Variants in GALNTL6 observed in about 807,000 individuals in gnomAD.
The protein encoded by GALNTL6 is polypeptide N-acetylgalactosaminyltransferase like 6.
GALNTL6 carries 46 observed loss-of-function variants against 73.7 expected under a neutral mutation model. The ratio of observed to expected loss-of-function variants is 0.62; its 90% CI spans 0.49 to 0.80. GALNTL6 has a LOEUF of 0.80. Ranked by LOEUF, GALNTL6 falls within the 30% of genes least tolerant of loss-of-function variation. The pLI is 0.00. For missense variants in GALNTL6, 604 were observed against 755.0 expected, an observed-to-expected ratio of 0.80 and a Z score of 2.34; for synonymous variants, 259 against 263.7, an observed-to-expected ratio of 0.98 and a Z score of 0.17.
At chr4:172,614,772 C>T (rs998835806) in intron 5 of GALNTL6, among the ~76,000 whole-genome samples, 5 of 152,100 alleles carry the variant, frequency 3.3e-5, no homozygotes, top group East Asian at 1.9e-4. Flanking sequence ...CTTACAGCAT[C>T]GTAAGCCTAA....
intron 2 of GALNTL6, among the ~76,000 whole-genome samples, chr4:172,051,815 C>T (rs187694008): frequency 2.4e-4 from 36 of 152,164 alleles, no homozygotes; most frequent in Non-Finnish European, 2.5e-4. Context: ...AGGGAACCAC[C>T]CTCTTGTACT....
chr4:172,058,176 G>A (rs1416574710), intron 2 of GALNTL6, among the ~76,000 whole-genome samples: 1 of 136,716 alleles, frequency 7.3e-6, no homozygotes, highest in Non-Finnish European at 1.6e-5. Flanking sequence ...GCCCAAGCTG[G>A]TCTCAAACTC....
chr4:171,960,569 C>T (rs956979646), intron 2 of GALNTL6, among the ~76,000 whole-genome samples: 11 of 151,946 alleles, frequency 7.2e-5, no homozygotes, highest in South Asian at 2.1e-4. Context: ...TGTGAGCCAC[C>T]ACGCCCTGCC....
chr4:171,982,384 G>A (rs1560870062), intron 2 of GALNTL6, among the ~76,000 whole-genome samples: 1 of 152,002 alleles, frequency 6.6e-6, no homozygotes, highest in Non-Finnish European at 1.5e-5. Flanking sequence ...TGCAAGCTCT[G>A]CCTCCTGGGT....
At chr4:172,066,346 A>G (rs1381014958) in intron 2 of GALNTL6, among the ~76,000 whole-genome samples, 2 of 152,128 alleles carry the variant, frequency 1.3e-5, no homozygotes, top group Non-Finnish European at 2.9e-5. Context: ...CAAATCACAT[A>G]GTATGTAACT....
At chr4:172,582,544 A>G (rs939518334) in intron 5 of GALNTL6, among the ~76,000 whole-genome samples, 1 of 152,096 alleles carries the variant, frequency 6.6e-6, no homozygotes, top group African/African-American at 2.4e-5. Flanking sequence ...GACTGTAATT[A>G]CTCCATGACC....
Position 171,814,786 on chromosome 4 carries a change from G to T in GALNTL6, c.138+68G>T. 2.0e-6 allele frequency: 3 copies of T among 1,527,992 alleles called. No individual in the cohort carries two copies. In the East Asian group the frequency reaches 6.7e-5, roughly 34 times the overall value. 94.7% of individuals were successfully genotyped at this position (1,527,992 alleles called of 1,614,324 possible). A position where few individuals can be genotyped will look rare whatever the true frequency, so the allele number is the denominator to read the frequency against. ...CAGTGATCCTCGCGCGGGGACTCGA[G>T]AAAGCCGGTGTGGGATCGCCTTGGG... is the stretch of plus-strand genomic sequence containing the variant. On this transcript the variant is annotated intron_variant, in intron 2 of 12. Coordinates refer to ENST00000506823, the MANE Select transcript of GALNTL6 (RefSeq NM_001034845.3).
At chr4:172,430,312 A>T (rs370178575) in intron 5 of GALNTL6, among the ~76,000 whole-genome samples, 18 of 152,014 alleles carry the variant, frequency 1.2e-4, no homozygotes, top group African/African-American at 3.4e-4. Context: ...ACAGAAAGAG[A>T]GAGAGAGAAT....
At chr4:171,946,206 A>T (rs531241303) in intron 2 of GALNTL6, among the ~76,000 whole-genome samples, 70 of 152,186 alleles carry the variant, frequency 4.6e-4, no homozygotes, top group Non-Finnish European at 8.8e-4. Context: ...AATACCTTTC[A>T]TTCCTGAAAA....
intron 2 of GALNTL6, among the ~76,000 whole-genome samples, chr4:172,025,000 G>A (rs970372536): frequency 6.6e-6 from 1 of 151,850 alleles, no homozygotes; most frequent in Non-Finnish European, 1.5e-5. Context: ...TCCAATAAAT[G>A]TGATTCATAA....
intron 5 of GALNTL6, among the ~76,000 whole-genome samples, chr4:172,727,621 TATTA>T (rs1269903987): frequency 3.9e-5 from 6 of 152,198 alleles, no homozygotes; most frequent in Non-Finnish European, 5.9e-5. Flanking sequence ...TGTCACATGC[TATTA>T]ATTTTTTCAT....
At chr4:172,454,407 G>A (rs1732318710) in intron 5 of GALNTL6, among the ~76,000 whole-genome samples, 1 of 152,210 alleles carries the variant, frequency 6.6e-6, no homozygotes. Flanking sequence ...TTATGTCTCT[G>A]TTTCTCAAGT....
At chr4:172,991,379 TA>T (rs1751530661) in intron 10 of GALNTL6, among the ~76,000 whole-genome samples, 1 of 152,106 alleles carries the variant, frequency 6.6e-6, no homozygotes, top group African/African-American at 2.4e-5. Flanking sequence ...TGATTTATGT[TA>T]AACCCAGTTT....
chr4:172,449,191 G>A (rs1450457492), intron 5 of GALNTL6, among the ~76,000 whole-genome samples: 1 of 151,990 alleles, frequency 6.6e-6, no homozygotes. Context: ...TTGTATTGTG[G>A]AAGAAGTTCC....
intron 5 of GALNTL6, among the ~76,000 whole-genome samples, chr4:172,492,129 GA>G: frequency 6.6e-6 from 1 of 152,060 alleles, no homozygotes; most frequent in Non-Finnish European, 1.5e-5. Flanking sequence ...GTTAGGTTAA[GA>G]AAAAATTGCG....
chr4:172,012,386 T>A (rs1391591513), intron 2 of GALNTL6, among the ~76,000 whole-genome samples: 1 of 150,560 alleles, frequency 6.6e-6, no homozygotes, highest in Non-Finnish European at 1.5e-5. Flanking sequence ...CAAAGTAGTG[T>A]TTTCCTAGGG....
chr4:172,548,650 A>G (rs371749313), intron 5 of GALNTL6, among the ~76,000 whole-genome samples: 40 of 152,342 alleles, frequency 2.6e-4, no homozygotes, highest in African/African-American at 8.9e-4. Context: ...CATATTTATA[A>G]CATCCTTTCC....
chr4:172,380,150 C>T (rs1392781745), intron 5 of GALNTL6: 12 of 1,046,102 alleles, frequency 1.1e-5, no homozygotes, highest in Admixed American at 1.0e-4. Context: ...ATTTGGAGCA[C>T]TTAACAAGGC....
At chr4:172,287,626 T>C (rs1739309562) in intron 3 of GALNTL6, among the ~76,000 whole-genome samples, 1 of 152,184 alleles carries the variant, frequency 6.6e-6, no homozygotes, top group Admixed American at 6.5e-5. Context: ...GAGTGCTGGA[T>C]TCTGTCAGCT....
Sources: gnomAD v4.1 joint callset for allele counts (sites outside exome capture counted in the v4.1 genomes callset) on GRCh38, gnomAD v4.1.1 for gene constraint, MANE v1.5 for transcripts, NCBI Gene and HGNC (gene_info 2026-07-23, HGNC 2026-07-21) for gene names.